The following LTBP1 variants were observed in gnomAD, a reference collection of about 807,000 sequenced individuals.
LTBP1 encodes the protein latent-transforming growth factor beta-binding protein 1.
Under a neutral mutation model 207.6 loss-of-function variants are expected in LTBP1, and 129 were observed. That is an observed-to-expected ratio of 0.62 (90% CI 0.54 to 0.72). LTBP1 has a LOEUF of 0.72. Among genes scored for constraint, LTBP1 ranks in the 30% least tolerant of loss-of-function variants. The pLI, the probability that LTBP1 is intolerant of heterozygous loss-of-function variation, is 0.00. For synonymous variants in LTBP1, 963 were observed against 833.7 expected (o/e 1.16, Z -2.67); for missense variants, 2,281 against 2,217.2 (o/e 1.03, Z -0.58).
At chr2:33,367,098 T>C (rs1054109181) in intron 31 of LTBP1, among the ~76,000 whole-genome samples, 1 of 152,076 alleles carries the variant, frequency 6.6e-6, no homozygotes, top group Admixed American at 6.6e-5. Context: ...TCATTATATA[T>C]TGATATTAGT....
intron 2 of LTBP1, among the ~76,000 whole-genome samples, chr2:32,993,461 A>T (rs1395690110): frequency 6.6e-6 from 1 of 152,134 alleles, no homozygotes; most frequent in East Asian, 1.9e-4. Context: ...TCCAAACACC[A>T]TCTATTATTT....
intron 5 of LTBP1, among the ~76,000 whole-genome samples, chr2:33,163,824 A>G (rs1400501878): frequency 1.3e-5 from 2 of 152,194 alleles, no homozygotes; most frequent in African/African-American, 4.8e-5. Context: ...AAGATTTGAT[A>G]ATTGTTTCAG....
intron 2 of LTBP1, among the ~76,000 whole-genome samples, chr2:32,973,694 T>G (rs1440147583): frequency 2.0e-5 from 3 of 152,134 alleles, no homozygotes; most frequent in African/African-American, 7.2e-5. Flanking sequence ...TATTCATTCT[T>G]TCTATTTTTT....
chr2:33,238,872 G>A (rs898359824), intron 9 of LTBP1, among the ~76,000 whole-genome samples: 4 of 152,150 alleles, frequency 2.6e-5, no homozygotes, highest in African/African-American at 7.2e-5. Flanking sequence ...TCACTTCATC[G>A]TCACCTTATC....
intron 3 of LTBP1, among the ~76,000 whole-genome samples, chr2:33,087,084 C>CCTTTTTTTTTTT (rs1323005803): frequency 1.1e-5 from 1 of 89,026 alleles, no homozygotes; most frequent in Non-Finnish European, 2.1e-5. Context: ...CTCCTTTATG[C>CCTTTTTTTTTTT]TTTTTTTTTT....
intron 25 of LTBP1, among the ~76,000 whole-genome samples, chr2:33,343,982 A>C (rs2094667037): frequency 6.6e-6 from 1 of 152,216 alleles, no homozygotes. Context: ...TGTTCACTAC[A>C]TGGCAGGTGG....
At chr2:33,117,443 A>G (rs2080812149) in intron 4 of LTBP1, among the ~76,000 whole-genome samples, 1 of 152,216 alleles carries the variant, frequency 6.6e-6, no homozygotes, top group Admixed American at 6.5e-5. Context: ...TTACGGTTGC[A>G]GTCTGATACC....
intron 24 of LTBP1, among the ~76,000 whole-genome samples, chr2:33,322,440 A>G (rs984389241): frequency 2.0e-5 from 3 of 152,228 alleles, no homozygotes; most frequent in Admixed American, 2.0e-4. Context: ...CTTCATACAC[A>G]TATTCCAGAA....
At chr2:33,150,704 C>CTT (rs1211013076) in intron 5 of LTBP1, among the ~76,000 whole-genome samples, 2 of 108,842 alleles carry the variant, frequency 1.8e-5, no homozygotes, top group African/African-American at 7.0e-5. Flanking sequence ...TTTCTTTTTT[C>CTT]TTTTTCTTTT....
chr2:33,102,002 G>GGATAT (rs1418158937), intron 3 of LTBP1, among the ~76,000 whole-genome samples: 1 of 152,082 alleles, frequency 6.6e-6, no homozygotes, highest in Non-Finnish European at 1.5e-5. Flanking sequence ...GAAGAGAAGA[G>GGATAT]GATATGTCTT....
chr2:33,294,571 TA>T (rs201311641), intron 20 of LTBP1, among the ~76,000 whole-genome samples: 6 of 149,124 alleles, frequency 4.0e-5, no homozygotes, highest in African/African-American at 1.2e-4. Flanking sequence ...AATTATTGGG[TA>T]AAATTTTTTT....
chr2:33,277,823 T>TTCTTTCTCTCTC (rs2093474798), intron 18 of LTBP1, among the ~76,000 whole-genome samples: 1 of 83,498 alleles, frequency 1.2e-5, no homozygotes, highest in African/African-American at 5.1e-5. Context: ...TTTTCTTTCT[T>TTCTTTCTCTCTC]TCTTTCTTTT....
Position 33,303,651 on chromosome 2 carries a change from G to A in LTBP1, c.3481+2007G>A, listed in dbSNP as rs376003424. Among the ~76,000 whole-genome samples the A allele has an allele frequency of 4.3e-4, 66 of 152,122 alleles. No individual in the cohort carries two copies. The Middle Eastern group carries it at 0.017, about 39-fold the overall frequency. Reference sequence around the variant, plus strand: ...AGGCGTGAGCCACCGCACCTGGCCTGCATTGGTTAGATTCTCATAAGGAGC... The same window carrying A: ...AGGCGTGAGCCACCGCACCTGGCCTACATTGGTTAGATTCTCATAAGGAGC... On this transcript the variant is annotated intron_variant, in intron 22 of 33. Coordinates refer to ENST00000404816, the MANE Select transcript of LTBP1 (RefSeq NM_206943.4).
intron 3 of LTBP1, chr2:33,061,411 T>C (rs149107044): frequency 6.6e-5 from 10 of 152,294 alleles, no homozygotes; most frequent in African/African-American, 2.2e-4. Context: ...TGTGTACTTA[T>C]GTAATCCAAA....
intron 15 of LTBP1, among the ~76,000 whole-genome samples, chr2:33,271,020 A>C (rs2093309451): frequency 1.3e-5 from 2 of 152,218 alleles, no homozygotes; most frequent in African/African-American, 4.8e-5. Context: ...CTCAGAGCTG[A>C]CTTTTGAGAA....
chr2:33,323,045 A>G (rs1441974571), intron 24 of LTBP1, among the ~76,000 whole-genome samples: 1 of 152,194 alleles, frequency 6.6e-6, no homozygotes, highest in East Asian at 1.9e-4. Context: ...TACAGATGCT[A>G]CTCAATTTAT....
At chr2:33,280,853 G>C (rs2093546640) in intron 19 of LTBP1, among the ~76,000 whole-genome samples, 1 of 152,154 alleles carries the variant, frequency 6.6e-6, no homozygotes, top group South Asian at 2.1e-4. Context: ...AGGATCACTT[G>C]AGGCCAGGAG....
Position 33,082,431 on chromosome 2 carries a change from A to AATTTTTTTTTTTT in LTBP1, c.864-28151_864-28150insATTTTTTTTTTTT, listed in dbSNP as rs2078468929. On this transcript the variant is annotated intron_variant, in intron 3 of 33. Coordinates refer to ENST00000404816, the MANE Select transcript of LTBP1 (RefSeq NM_206943.4). ...GTTAACCGTGGCTAAAGTATGACTC[A>AATTTTTTTTTTTT]CTTTTTTTTTTTTTTTTTTTTTTTT... Among the ~76,000 whole-genome samples the AATTTTTTTTTTTT allele has an allele frequency of 3.3e-4, 38 of 116,044 alleles. 17 individuals carry two copies. Among genetic ancestry groups the AATTTTTTTTTTTT allele is most frequent in the Non-Finnish European group, 2.2e-4 (13 of 58,288 alleles). 76.1% of individuals were successfully genotyped at this position (116,044 alleles called of 152,430 possible).
chr2:33,156,584 A>T (rs191181901), intron 5 of LTBP1, among the ~76,000 whole-genome samples: 84 of 152,270 alleles, frequency 5.5e-4, no homozygotes, highest in African/African-American at 2.0e-3. Flanking sequence ...AGGCTTTGTG[A>T]TCTGCAGAAT....
Sources: allele counts gnomAD v4.1 joint callset (sites outside exome capture counted in the v4.1 genomes callset), GRCh38; gene constraint gnomAD v4.1.1; transcripts MANE v1.5; gene names NCBI Gene and HGNC (gene_info 2026-07-23, HGNC 2026-07-21).